CFHR1: variants seen among roughly 807,000 people sequenced by gnomAD.
CFHR1 encodes complement factor H related 1.
In CFHR1, 22 loss-of-function variants were observed where a neutral mutation model predicts 30.4. The ratio of observed to expected loss-of-function variants is 0.72; its 90% confidence interval spans 0.52 to 1.03. CFHR1 has a LOEUF of 1.03. CFHR1 is among the 50% of genes least tolerant of loss of function. CFHR1 has a pLI of 0.00. For missense variants in CFHR1, 248 were observed against 380.6 expected (o/e 0.65, Z 2.90); for synonymous variants, 95 against 129.1 (o/e 0.74, Z 1.79).
intron 1 of CFHR1, among the ~76,000 whole-genome samples, chr1:196,824,666 TTTA>T (rs1655252073): frequency 8.0e-6 from 1 of 125,406 alleles, no homozygotes; most frequent in South Asian, 2.8e-4. Flanking sequence ...TTTTTATTGT[TTTA>T]TTATCTTTAT....
intron 5 of CFHR1, among the ~76,000 whole-genome samples, chr1:196,830,976 T>C (rs1254351712): frequency 3.1e-5 from 4 of 130,792 alleles, no homozygotes; most frequent in Admixed American, 2.2e-4. Flanking sequence ...AAATACAGAA[T>C]AATAATAATA....
chr1:196,831,914 G>A lies in CFHR1; in HGVS notation c.908G>A (p.Gly303Glu), dbSNP rs779521398. 3 of 1,525,328 alleles carry A rather than the reference G, an allele frequency of 2.0e-6. No homozygotes were observed. The highest frequency in any genetic ancestry group is 4.5e-5 in the East Asian group (2 of 44,616). 94.5% of individuals were successfully genotyped at this position (1,525,328 alleles called of 1,614,324 possible). The change falls in exon 6 of 6, where the codon GGA (glycine) becomes GAA (glutamate). Residue 303 changes from glycine (G) to glutamate (E), a missense_variant. By Grantham distance (98) the Gly-to-Glu change is moderately conservative. This residue lies in a region of CFHR1 where 112 missense variants were observed against 156.4 expected (regional missense o/e 0.72). Transcript: ENST00000320493. ...GESAEFVCKRGYRLSSRSHTL... is the reference protein window; with the variant it reads ...GESAEFVCKREYRLSSRSHTL... ...TCAGCTGAATTTGTGTGTAAACGGG[G>A]ATATCGTCTTTCATCACGTTCTCAC...
chr1:196,827,805 G>T (rs1655391663), intron 3 of CFHR1, among the ~76,000 whole-genome samples: 1 of 132,064 alleles, frequency 7.6e-6, no homozygotes, highest in Non-Finnish European at 1.6e-5. Flanking sequence ...CGTTTACACT[G>T]GCTTCCAGAA....
chr1:196,830,052 A>G lies in CFHR1; in HGVS notation c.608-448A>G, dbSNP rs368321739. Among the ~76,000 whole-genome samples the G allele has an allele frequency of 5.9e-5, 8 of 135,360 alleles. 1 individual carries two copies. In the East Asian group the frequency reaches 9.8e-4, roughly 17 times the overall value. The allele number at this position is 135,360 out of a possible 152,430, so 88.8% of individuals were successfully genotyped here. A position where few individuals can be genotyped will look rare whatever the true frequency, so the allele number is the denominator to read the frequency against. ...TTTGTCTGTCAGCTCCCCATGTATT[A>G]TTAAGTATATTCAGTGTTTTTAAAA... On this transcript the variant is annotated intron_variant, in intron 4 of 5. Coordinates refer to ENST00000320493, the MANE Select transcript of CFHR1 (RefSeq NM_002113.3).
Position 196,825,118 on chromosome 1 carries a change from C to G in CFHR1, c.59-359C>G, listed in dbSNP as rs1483523972. The G allele has an allele frequency of 2.5e-5, 4 of 162,216 alleles. 2 individuals carry two copies. The highest frequency in any genetic ancestry group is 1.3e-4 in the African/African-American group (4 of 31,064). The allele number at this position is 162,216 out of a possible 1,614,324, so 10.0% of individuals were successfully genotyped here. A position where few individuals can be genotyped will look rare whatever the true frequency, so the allele number is the denominator to read the frequency against. The stretch of plus-strand genomic sequence containing the variant: ...AGTAAATTGAGAGCTAAGAACAACC[C>G]TATCACTTTTCTACTGTATACTATG... On this transcript the variant is annotated intron_variant, in intron 1 of 5. Coordinates refer to ENST00000320493, the MANE Select transcript of CFHR1 (RefSeq NM_002113.3).
At chr1:196,825,027 GA>G (rs1351370419) in intron 1 of CFHR1, among the ~76,000 whole-genome samples, 3 of 126,136 alleles carry the variant, frequency 2.4e-5, no homozygotes, top group Middle Eastern at 4.2e-3. Flanking sequence ...TACTGCACCA[GA>G]AAAAAAAATA....
At chr1:196,830,327 A>C (rs1275722747) in intron 4 of CFHR1, among the ~76,000 whole-genome samples, 173 bp from the exon 5 acceptor site, 3 of 135,584 alleles carry the variant, frequency 2.2e-5, no homozygotes, top group Non-Finnish European at 4.7e-5. Context: ...AAAGAACTTA[A>C]ATATATTACT....
chr1:196,826,378 A>C (rs1411438425), intron 2 of CFHR1, among the ~76,000 whole-genome samples: 1 of 135,756 alleles, frequency 7.4e-6, no homozygotes, highest in Non-Finnish European at 1.6e-5. Flanking sequence ...ATATAAAAGA[A>C]CCAAAAATAT....
rs750664416 is a variant in CFHR1 at position 196,830,682 on chromosome 1, C to G, written c.790C>G (p.His264Asp). Residue 264 changes from histidine (H) to aspartate (D), a missense_variant and splice_region_variant, in exon 5 of 6, where the codon CAT becomes GAT. By Grantham distance (81) the His-to-Asp change is moderately conservative (BLOSUM62 -1). Around this residue, in one of 3 missense-constraint regions of CFHR1, gnomAD observed 112 missense variants for 156.4 expected, o/e 0.72. Transcript: ENST00000320493. ...ATGGTCAGAACCACCAAAATGCTTA[C>G]GTAAGTACTTTAATATTCACGTGGC... is the stretch of plus-strand genomic sequence containing the variant. Reference protein sequence around the residue: ...GQWSEPPKCLHPCVISREIME... With the variant: ...GQWSEPPKCLDPCVISREIME... 2 of 1,522,782 alleles carry G rather than the reference C, an allele frequency of 1.3e-6. No homozygotes were observed. The highest frequency in any genetic ancestry group is 1.7e-5 in the African/African-American group (1 of 57,768). 94.3% of individuals were successfully genotyped at this position (1,522,782 alleles called of 1,614,324 possible). A position where few individuals can be genotyped will look rare whatever the true frequency, so the allele number is the denominator to read the frequency against.
rs769231948 is a variant in CFHR1, at chr1:196,825,682, G to T, written c.253+11G>T. ...CACCAAAGTGTCTCAGTGAGTAAAT[G>T]CTCTGTTCATTAAATGGATGTCATT... On this transcript the variant is annotated intron_variant, in intron 2 of 5. Transcript: ENST00000320493. 3.2e-5 allele frequency: 49 copies of T among 1,511,978 alleles called. 10 individuals are homozygous for T. The highest frequency in any genetic ancestry group is 4.3e-5 in the Non-Finnish European group (48 of 1,118,136). 93.7% of individuals were successfully genotyped at this position (1,511,978 alleles called of 1,614,324 possible). A position where few individuals can be genotyped will look rare whatever the true frequency, so the allele number is the denominator to read the frequency against.
rs1250075050 is a variant in CFHR1 at position 196,826,816 on chromosome 1, T to G, written c.254-13T>G. On this transcript the variant is annotated splice_polypyrimidine_tract_variant and intron_variant, in intron 2 of 5. Coordinates refer to ENST00000320493, the MANE Select transcript of CFHR1 (RefSeq NM_002113.3). ...ACTTCCATCTTGTACATTAATCCGTTTTTGGTCCTTAGGACTGTGTTTCTT... is the reference window on the plus strand; with the variant it reads ...ACTTCCATCTTGTACATTAATCCGTGTTTGGTCCTTAGGACTGTGTTTCTT... The G allele has an allele frequency of 2.2e-5, 34 of 1,518,680 alleles. 6 individuals carry two copies. The highest frequency in any genetic ancestry group is 2.8e-5 in the Non-Finnish European group (32 of 1,124,532). The allele number at this position is 1,518,680 out of a possible 1,614,324, so 94.1% of individuals were successfully genotyped here.
chr1:196,828,192 G>T lies in CFHR1; in HGVS notation c.553G>T (p.Asp185Tyr). The change falls in exon 4 of 6, where the codon GAT (aspartate) becomes TAT (tyrosine). Residue 185 changes from aspartate to tyrosine, a missense_variant. Coordinates refer to ENST00000320493, the MANE Select transcript of CFHR1 (RefSeq NM_002113.3). ...ECRSPYEMFG[D>Y]EEVMCLNGNW... ...TAGGAGCCCTTATGAAATGTTTGGG[G>T]ATGAAGAAGTGATGTGTTTAAATGG... The T allele has an allele frequency of 4.0e-6, 5 of 1,246,338 alleles. 2 individuals carry two copies. Among genetic ancestry groups the T allele is most frequent in the Non-Finnish European group, 5.4e-6 (5 of 928,244 alleles). 77.2% of individuals were successfully genotyped at this position (1,246,338 alleles called of 1,614,324 possible). A position where few individuals can be genotyped will look rare whatever the true frequency, so the allele number is the denominator to read the frequency against.
intron 3 of CFHR1, 64 bp from the exon 4 acceptor site, chr1:196,828,006 G>A: frequency 7.2e-7 from 1 of 1,381,116 alleles, no homozygotes; most frequent in Non-Finnish European, 9.8e-7. Flanking sequence ...ATTTGTAACT[G>A]TATTAGTTGA....
chr1:196,825,872 GA>G, intron 2 of CFHR1: 1 of 496,900 alleles, frequency 2.0e-6, no homozygotes, highest in South Asian at 3.4e-5. Context: ...GTGTTACCTG[GA>G]AATGCTCTAC....
At position 196,822,801 on chromosome 1, in the gene CFHR1, A is replaced by C. The variant is rs574558494; in HGVS notation, c.59-2676A>C. ...ATAAAATACTAATAACAATTATACT[A>C]TATGAAATACATTAACCAGTAACAC... On this transcript the variant is annotated intron_variant, in intron 1 of 5. Transcript: ENST00000320493. Among the ~76,000 whole-genome samples the C allele has an allele frequency of 2.0e-3, 269 of 135,242 alleles. 47 individuals carry two copies. Among genetic ancestry groups the C allele is most frequent in the Non-Finnish European group, 3.0e-3 (192 of 64,372 alleles). 88.7% of individuals were successfully genotyped at this position (135,242 alleles called of 152,430 possible). A position where few individuals can be genotyped will look rare whatever the true frequency, so the allele number is the denominator to read the frequency against.
chr1:196,827,230 T>G (rs965129372), intron 3 of CFHR1, among the ~76,000 whole-genome samples: 1 of 135,402 alleles, frequency 7.4e-6, no homozygotes, highest in African/African-American at 3.2e-5. Flanking sequence ...CATCATCATC[T>G]CCTTGGAGAT....
At chr1:196,825,349 G>A in intron 1 of CFHR1, 128 bp from the exon 2 acceptor site, 10 of 680,326 alleles carry the variant, frequency 1.5e-5, no homozygotes, top group Non-Finnish European at 2.1e-5. Flanking sequence ...ACACTGGAAA[G>A]CATTTAAGCT....
chr1:196,820,641 C>T (rs1655084625), intron 1 of CFHR1, among the ~76,000 whole-genome samples: 2 of 126,638 alleles, frequency 1.6e-5, no homozygotes, highest in Non-Finnish European at 3.3e-5. Flanking sequence ...CATGGAGTTT[C>T]GATCATTATG....
intron 1 of CFHR1, among the ~76,000 whole-genome samples, chr1:196,824,649 T>A (rs1655251415): frequency 7.8e-6 from 1 of 128,094 alleles, no homozygotes; most frequent in East Asian, 2.0e-4. Flanking sequence ...TATCTTTAAT[T>A]GCATTATTTT....
Sources: gnomAD v4.1 joint callset for allele counts (sites outside exome capture counted in the v4.1 genomes callset) on GRCh38, gnomAD v4.1.1 for gene constraint, gnomAD v4.1.1 regional missense constraint, MANE v1.5 for transcripts, NCBI Gene and HGNC (gene_info 2026-07-23, HGNC 2026-07-21) for gene names.